The following TDRD9 variants were observed in gnomAD, a reference collection of about 807,000 sequenced individuals.
TDRD9 encodes the protein tudor domain containing 9.
In TDRD9, 124 loss-of-function variants were observed where a neutral mutation model predicts 172.6. The ratio of observed to expected loss-of-function variants is 0.72; its 90% CI spans 0.62 to 0.83. The LOEUF (loss-of-function observed/expected upper bound fraction) is 0.83, where lower values mean the gene tolerates loss of function less well. Among genes scored for constraint, TDRD9 ranks in the 40% least tolerant of loss-of-function variants. The probability of loss-of-function intolerance (pLI) is 0.00; values close to 1 mark genes in which losing one functional copy is unlikely to be tolerated. For synonymous variants in TDRD9, 619 were observed against 617.1 expected (o/e 1.00, Z -0.05); for missense variants, 1,479 against 1,714.1 (o/e 0.86, Z 2.42).
In TDRD9 at chr14:103,966,720, G is replaced by A; in HGVS notation, c.654G>A (p.Glu218=). 6.5e-7 allele frequency: 1 copy of A among 1,543,680 alleles called. No homozygotes were observed. The highest frequency in any genetic ancestry group is 1.2e-5 in the South Asian group (1 of 82,684). Residue 218 remains glutamate, a synonymous_variant, in exon 5 of 36, where the codon GAG becomes GAA. Transcript: ENST00000409874. ...GGVVGYQVGL[E]KIATEDTRLI... The stretch of plus-strand genomic sequence containing the variant: ...TTCTCCAATTTTAGGTAGGGCTAGA[G>A]AAAATAGCAACAGAGGACACCAGGC...
chr14:103,968,636 A>T (rs1212657707), intron 5 of TDRD9, among the ~76,000 whole-genome samples: 1 of 149,556 alleles, frequency 6.7e-6, no homozygotes, highest in Non-Finnish European at 1.5e-5. Context: ...CTCTACTAAA[A>T]ATACAAAAAA....
At chr14:103,957,573 A>G (rs566149382) in intron 2 of TDRD9, among the ~76,000 whole-genome samples, 2 of 152,382 alleles carry the variant, frequency 1.3e-5, no homozygotes, top group South Asian at 2.1e-4. Context: ...CCTATATGCC[A>G]GTGAACAGAG....
At chr14:104,016,550 A>T (rs1037789421) in intron 22 of TDRD9, among the ~76,000 whole-genome samples, 5 of 152,214 alleles carry the variant, frequency 3.3e-5, no homozygotes, top group African/African-American at 1.2e-4. Flanking sequence ...TGAAATTCAG[A>T]TCTGAAGGCT....
intron 34 of TDRD9, among the ~76,000 whole-genome samples, chr14:104,046,254 C>T (rs2035773362): frequency 6.6e-6 from 1 of 152,158 alleles, no homozygotes; most frequent in South Asian, 2.1e-4. Flanking sequence ...CGCGCCTGGC[C>T]TACTTTATCT....
intron 2 of TDRD9, among the ~76,000 whole-genome samples, chr14:103,957,224 A>AT (rs2032291447): frequency 6.6e-6 from 1 of 152,054 alleles, no homozygotes; most frequent in Admixed American, 6.5e-5. Flanking sequence ...GTTCTGGTTA[A>AT]TTTCTGCTAG....
intron 7 of TDRD9, among the ~76,000 whole-genome samples, chr14:103,985,008 T>C (rs1238394340): frequency 6.6e-6 from 1 of 152,192 alleles, no homozygotes; most frequent in African/African-American, 2.4e-5. Context: ...TTGGGACCTG[T>C]AGCCCCTTTA....
Position 104,052,059 on chromosome 14 carries a change from A to C in TDRD9, c.4126A>C (p.Lys1376Gln), listed in dbSNP as rs2035950545. 4 of 1,582,682 alleles carry C rather than the reference A, an allele frequency of 2.5e-6. No homozygotes were observed. The highest frequency in any genetic ancestry group is 3.4e-6 in the Non-Finnish European group (4 of 1,163,840). The change falls in exon 36 of 36, where the codon AAA (lysine) becomes CAA (glutamine). Residue 1376 changes from lysine to glutamine, a missense_variant. Around this residue, in one of 3 missense-constraint regions of TDRD9, gnomAD observed 1,413 missense variants for 1,649.1 expected, o/e 0.86. Coordinates refer to ENST00000409874, the MANE Select transcript of TDRD9 (RefSeq NM_153046.3). ...GKNTFLYQLHKLVVLGT is the reference protein window; with the variant it reads ...GKNTFLYQLHQLVVLGT ...GAACACCTTTCTCTACCAGCTCCAC[A>C]AACTGGTTGTGCTCGGCACCTGAGC...
intron 22 of TDRD9, among the ~76,000 whole-genome samples, chr14:104,017,083 C>T (rs2034815261): frequency 6.6e-6 from 1 of 152,086 alleles, no homozygotes; most frequent in Admixed American, 6.5e-5. Context: ...TCTGCTCCTG[C>T]TGGCCATCAG....
At chr14:103,989,468 T>C (rs1450841377) in intron 8 of TDRD9, among the ~76,000 whole-genome samples, 1 of 152,238 alleles carries the variant, frequency 6.6e-6, no homozygotes, top group Non-Finnish European at 1.5e-5. Context: ...GAGGCCATGC[T>C]GTGCAGGAAA....
chr14:103,950,367 G>T (rs2040433194), intron 1 of TDRD9, among the ~76,000 whole-genome samples: 1 of 152,188 alleles, frequency 6.6e-6, no homozygotes, highest in Non-Finnish European at 1.5e-5. Context: ...TGGGATTACA[G>T]GCATGAGCCA....
At chr14:103,977,257 C>T (rs185480038) in intron 7 of TDRD9, among the ~76,000 whole-genome samples, 39 of 151,944 alleles carry the variant, frequency 2.6e-4, no homozygotes, top group Non-Finnish European at 4.7e-4. Flanking sequence ...TTTGGGAGGC[C>T]GAGGCCGGTG....
In TDRD9 at chr14:103,960,005, T is replaced by A. The variant is rs77573299; in HGVS notation, c.323-3074T>A. ...GGCTGTTTTCATCCTCCTTTTAGCT[T>A]TTCTTCTGGTTTTAAGAGAATGGCC... On this transcript the variant is annotated intron_variant, in intron 2 of 35. Transcript: ENST00000409874. Among the ~76,000 whole-genome samples the A allele has an allele frequency of 2.1e-3, 319 of 152,342 alleles. 1 individual carries two copies. The highest frequency in any genetic ancestry group is 7.4e-3 in the African/African-American group (307 of 41,580).
At chr14:104,042,879 TCTCTC>T (rs1268475231) in intron 34 of TDRD9, among the ~76,000 whole-genome samples, 1 of 152,150 alleles carries the variant, frequency 6.6e-6, no homozygotes, top group Non-Finnish European at 1.5e-5. Flanking sequence ...CGGTGACACT[TCTCTC>T]CTTCCTATGC....
At chr14:103,960,838 G>A (rs558586717) in intron 2 of TDRD9, among the ~76,000 whole-genome samples, 36 of 152,226 alleles carry the variant, frequency 2.4e-4, no homozygotes, top group Non-Finnish European at 4.6e-4. Context: ...ATCAAGTAAT[G>A]TAAGCCAATA....
At chr14:103,934,659 G>C (rs747113512) in intron 1 of TDRD9, among the ~76,000 whole-genome samples, 3 of 152,212 alleles carry the variant, frequency 2.0e-5, no homozygotes, top group Non-Finnish European at 2.9e-5. Context: ...GCGGGCGCCT[G>C]TAGTCCCCGC....
At chr14:103,954,715 G>T (rs929341187) in intron 1 of TDRD9, among the ~76,000 whole-genome samples, 5 of 145,728 alleles carry the variant, frequency 3.4e-5, no homozygotes, top group African/African-American at 1.3e-4. Context: ...TGCAACCTCC[G>T]CCTCCTGGGT....
intron 18 of TDRD9, 70 bp from the exon 19 acceptor site, chr14:104,007,090 T>A (rs1046530899): frequency 4.6e-5 from 66 of 1,436,870 alleles, no homozygotes; most frequent in Non-Finnish European, 5.9e-5. Context: ...TCAGGTTTGT[T>A]GAAATTGTAC....
intron 11 of TDRD9, among the ~76,000 whole-genome samples, chr14:103,994,965 A>AT (rs2034005523): frequency 3.0e-5 from 1 of 33,448 alleles, no homozygotes; most frequent in East Asian, 1.4e-3. Flanking sequence ...AAAAAAAAAA[A>AT]GAAAAAAAAA....
chr14:104,010,993 A>G (rs561629178), intron 20 of TDRD9, among the ~76,000 whole-genome samples: 1 of 152,328 alleles, frequency 6.6e-6, no homozygotes, highest in African/African-American at 2.4e-5. Context: ...TTGGCAGCAC[A>G]GTAGGTTTGT....
Sources: gnomAD v4.1 joint callset for allele counts (sites outside exome capture counted in the v4.1 genomes callset) on GRCh38, gnomAD v4.1.1 for gene constraint, gnomAD v4.1.1 regional missense constraint, MANE v1.5 for transcripts, NCBI Gene and HGNC (gene_info 2026-07-23, HGNC 2026-07-21) for gene names.